The following FAM20A variants were observed in gnomAD, a reference collection of about 807,000 sequenced individuals.
FAM20A encodes FAM20A golgi associated secretory pathway pseudokinase.
FAM20A carries 42 observed loss-of-function variants against 52.0 expected under a neutral mutation model. The observed-to-expected ratio is 0.81, with a 90% CI of 0.63 to 1.04. The LOEUF (loss-of-function observed/expected upper bound fraction) is 1.04, where lower values mean the gene tolerates loss of function less well. FAM20A is among the 50% of genes least tolerant of loss of function. The pLI is 0.00. For missense variants in FAM20A, 742 were observed against 712.7 expected, an observed-to-expected ratio of 1.04 and a Z score of -0.47; for synonymous variants, 304 against 298.9, an observed-to-expected ratio of 1.02 and a Z score of -0.18.
chr17:68,593,202 C>T (rs1431641037), intron 1 of FAM20A, among the ~76,000 whole-genome samples: 1 of 152,250 alleles, frequency 6.6e-6, no homozygotes, highest in Non-Finnish European at 1.5e-5. Context: ...GTTATCCCTA[C>T]TTGGCTTTTG....
At chr17:68,538,380 C>A (rs2086156865) in intron 10 of FAM20A, among the ~76,000 whole-genome samples, 1 of 152,210 alleles carries the variant, frequency 6.6e-6, no homozygotes, top group South Asian at 2.1e-4. Flanking sequence ...TTTAAATTAA[C>A]CTAAGACATA....
At chr17:68,581,514 TCTC>T (rs1163420426) in intron 1 of FAM20A, among the ~76,000 whole-genome samples, 3 of 147,524 alleles carry the variant, frequency 2.0e-5, no homozygotes, top group Admixed American at 6.9e-5. Flanking sequence ...TTTCTCTTTC[TCTC>T]CTTTCTTTCT....
At chr17:68,558,396 A>G in intron 1 of FAM20A, 1 of 421,672 alleles carries the variant, frequency 2.4e-6, no homozygotes, top group Non-Finnish European at 4.8e-6. Context: ...CCAGTGTTGA[A>G]GGTGGGGCCT....
chr17:68,554,261 C>T (rs975926719), intron 3 of FAM20A, among the ~76,000 whole-genome samples: 2 of 152,114 alleles, frequency 1.3e-5, no homozygotes, highest in African/African-American at 4.8e-5. Context: ...CTCCCACGCT[C>T]GTCTAACTTT....
At chr17:68,539,637 C>A (rs951322971) in intron 9 of FAM20A, among the ~76,000 whole-genome samples, 1 of 152,214 alleles carries the variant, frequency 6.6e-6, no homozygotes, top group Non-Finnish European at 1.5e-5. Context: ...TGAGGATGCA[C>A]CTTGCTCTCG....
chr17:68,558,754 TTTCC>T (rs555118110), intron 1 of FAM20A, among the ~76,000 whole-genome samples: 2 of 152,108 alleles, frequency 1.3e-5, no homozygotes, highest in Non-Finnish European at 2.9e-5. Flanking sequence ...CTCCTTTCTC[TTTCC>T]TTCCTTCCTT....
chr17:68,548,328 G>A (rs151277877), intron 4 of FAM20A, among the ~76,000 whole-genome samples: 5,391 of 152,170 alleles, frequency 0.035, 335 homozygotes, highest in African/African-American at 0.12. Context: ...TCGAGAGTTC[G>A]AGACCAGCCT....
At chr17:68,572,561 C>A (rs2087595033) in intron 1 of FAM20A, among the ~76,000 whole-genome samples, 1 of 152,062 alleles carries the variant, frequency 6.6e-6, no homozygotes, top group Admixed American at 6.6e-5. Flanking sequence ...GAATGGGCTT[C>A]ATTTCTGAAA....
At chr17:68,548,723 A>AT (rs200833117) in intron 4 of FAM20A, among the ~76,000 whole-genome samples, 2,484 of 117,748 alleles carry the variant, frequency 0.021, 152 homozygotes, top group African/African-American at 0.076. Flanking sequence ...CTATGCCTGT[A>AT]TATTTTTTTT....
chr17:68,582,780 A>ATT (rs34025800), intron 1 of FAM20A, among the ~76,000 whole-genome samples: 29,836 of 79,936 alleles, frequency 0.37, 8,027 homozygotes, highest in Non-Finnish European at 0.47. Context: ...GCCAGGATTA[A>ATT]TTTTTTTTTT....
chr17:68,569,934 C>A (rs2087492695), intron 1 of FAM20A, among the ~76,000 whole-genome samples: 1 of 152,166 alleles, frequency 6.6e-6, no homozygotes, highest in Non-Finnish European at 1.5e-5. Flanking sequence ...TGCACAGTGT[C>A]TCTCTCCTTT....
chr17:68,582,780 ATTT>A (rs34025800), intron 1 of FAM20A, among the ~76,000 whole-genome samples: 5,584 of 79,588 alleles, frequency 0.07, 176 homozygotes, highest in African/African-American at 0.2. Context: ...GCCAGGATTA[ATTT>A]TTTTTTTTTT....
chr17:68,583,775 T>C (rs1025562562), intron 1 of FAM20A, among the ~76,000 whole-genome samples: 25 of 151,870 alleles, frequency 1.6e-4, no homozygotes, highest in Admixed American at 1.2e-3. Context: ...TGGTGGTGCG[T>C]GCCTGTAGTC....
At chr17:68,543,343 G>A (rs941866908) in intron 5 of FAM20A, among the ~76,000 whole-genome samples, 2 of 152,102 alleles carry the variant, frequency 1.3e-5, no homozygotes, top group African/African-American at 4.8e-5. Flanking sequence ...CATTCTCCTC[G>A]CTCTCAGATC....
rs1370857253 is a variant in FAM20A at position 68,535,958 on chromosome 17, T to C, written c.*1519A>G. On this transcript the variant is annotated 3_prime_UTR_variant, in exon 11 of 11. Coordinates refer to ENST00000592554, the MANE Select transcript of FAM20A (RefSeq NM_017565.4). ...CTCTCTGAGATTTAAAGTTCTTCCATGCACATTGGAGGATGGGGGTTGTAT... is the reference window on the plus strand; with the variant it reads ...CTCTCTGAGATTTAAAGTTCTTCCACGCACATTGGAGGATGGGGGTTGTAT... The C allele has an allele frequency of 6.6e-6, 3 of 454,050 alleles. No homozygotes were observed. Among genetic ancestry groups the C allele is most frequent in the Non-Finnish European group, 1.3e-5 (3 of 226,804 alleles). The allele number at this position is 454,050 out of a possible 1,614,324, so 28.1% of individuals were successfully genotyped here. A position where few individuals can be genotyped will look rare whatever the true frequency, so the allele number is the denominator to read the frequency against.
intron 4 of FAM20A, among the ~76,000 whole-genome samples, chr17:68,545,454 G>A (rs578011176): frequency 6.0e-4 from 92 of 152,318 alleles, no homozygotes; most frequent in Admixed American, 4.6e-4. Flanking sequence ...CAATAAATAT[G>A]CAATAGCATT....
chr17:68,538,890 G>A (rs574874298), intron 10 of FAM20A, among the ~76,000 whole-genome samples: 17 of 152,294 alleles, frequency 1.1e-4, no homozygotes, highest in African/African-American at 3.6e-4. Context: ...GTCATGAATC[G>A]CTTAGTGATG....
Position 68,546,038 on chromosome 17 carries a change from G to A in FAM20A, c.720-2317C>T, listed in dbSNP as rs367637248. Among the ~76,000 whole-genome samples the A allele has an allele frequency of 3.0e-3, 455 of 150,696 alleles. 6 individuals carry two copies. Among genetic ancestry groups the A allele is most frequent in the African/African-American group, 0.01 (415 of 40,340 alleles). The stretch of plus-strand genomic sequence containing the variant: ...CAAAAAATTAGCCAGGCATGGTGGC[G>A]CATGCCTGTAGTCCCAGCTACTTGG... On this transcript the variant is annotated intron_variant, in intron 4 of 10. Transcript: ENST00000592554.
Position 68,565,383 on chromosome 17 carries a change from CTTTTTTTTTTTTTT to C in FAM20A, c.405-9654_405-9641del, listed in dbSNP as rs796800181. On this transcript the variant is annotated intron_variant, in intron 1 of 10. Transcript: ENST00000592554. ...CCTGGAGTTTAACCTCCATTACCTC[CTTTTTTTTTTTTTT>C]TTTTTTTTTTTTTTGAGATGGAGTC... Among the ~76,000 whole-genome samples, 29 of 103,798 alleles carry C rather than the reference CTTTTTTTTTTTTTT, an allele frequency of 2.8e-4. No individual in the cohort carries two copies. The East Asian group carries it at 5.2e-3, about 19-fold the overall frequency. 68.1% of individuals were successfully genotyped at this position (103,798 alleles called of 152,430 possible).
Sources: allele counts gnomAD v4.1 joint callset (sites outside exome capture counted in the v4.1 genomes callset), GRCh38; gene constraint gnomAD v4.1.1; transcripts MANE v1.5; gene names NCBI Gene and HGNC (gene_info 2026-07-23, HGNC 2026-07-21).